WDR72: variants seen among roughly 807,000 people sequenced by gnomAD.
The protein encoded by WDR72 is WD repeat domain 72.
WDR72 carries 120 observed loss-of-function variants against 124.2 expected under a neutral mutation model. The ratio of observed to expected loss-of-function variants is 0.97; its 90% confidence interval spans 0.83 to 1.12. The LOEUF is 1.12. Among genes scored for constraint, WDR72 ranks in the 50% most tolerant of loss-of-function variants. WDR72 has a pLI of 0.00. For missense variants in WDR72, 1,387 were observed against 1,278.8 expected (o/e 1.08, Z -1.29); for synonymous variants, 452 against 441.7 (o/e 1.02, Z -0.29).
intron 18 of WDR72, among the ~76,000 whole-genome samples, chr15:53,546,792 A>G (rs575795550): frequency 6.6e-6 from 1 of 152,336 alleles, no homozygotes; most frequent in East Asian, 1.9e-4. Context: ...CACAAAATCA[A>G]AAATGAAAGG....
At chr15:53,587,179 A>C (rs955758352) in intron 18 of WDR72, among the ~76,000 whole-genome samples, 2 of 152,086 alleles carry the variant, frequency 1.3e-5, no homozygotes, top group African/African-American at 4.8e-5. Context: ...CTGGTCATTC[A>C]TGAAAAGAAA....
intron 19 of WDR72, among the ~76,000 whole-genome samples, chr15:53,522,952 A>T (rs1284889805): frequency 6.6e-6 from 1 of 152,052 alleles, no homozygotes; most frequent in Non-Finnish European, 1.5e-5. Flanking sequence ...TTAACCATTT[A>T]GCCTAAAATT....
intron 18 of WDR72, among the ~76,000 whole-genome samples, chr15:53,534,347 C>T (rs765639916): frequency 2.6e-5 from 4 of 152,088 alleles, no homozygotes; most frequent in Non-Finnish European, 5.9e-5. Flanking sequence ...ACTCACTTTC[C>T]TAACCTTTAG....
At chr15:53,670,835 T>C (rs2015959912) in intron 13 of WDR72, among the ~76,000 whole-genome samples, 1 of 152,164 alleles carries the variant, frequency 6.6e-6, no homozygotes, top group South Asian at 2.1e-4. Context: ...ACTCAGCTGC[T>C]TGTGAGCTGA....
chr15:53,689,087 C>T (rs140660911), intron 13 of WDR72, among the ~76,000 whole-genome samples: 6,787 of 152,194 alleles, frequency 0.045, 532 homozygotes, highest in African/African-American at 0.16. Context: ...AAGACTTAAA[C>T]GTTAAACCTA....
At chr15:53,720,955 A>G (rs1595873161) in intron 3 of WDR72, among the ~76,000 whole-genome samples, 1 of 152,208 alleles carries the variant, frequency 6.6e-6, no homozygotes, top group South Asian at 2.1e-4. Flanking sequence ...CATAGCCAAT[A>G]TCTGGGACTT....
At position 53,705,145 on chromosome 15, in the gene WDR72, C is replaced by G. The variant is rs921800187; in HGVS notation, c.1191G>C (p.Gly397=). Residue 397 remains glycine (G), a synonymous_variant, in exon 11 of 20, where the codon GGG becomes GGC. Coordinates refer to ENST00000360509, the MANE Select transcript of WDR72 (RefSeq NM_182758.4). ...MSQSIIDYFS[G]LKDGAGTAVV... ...CAGCAGTTCCTGCCCCATCTTTAAG[C>G]CCAGAGAAATAGTCAATAATACTTT... is the stretch of plus-strand genomic sequence containing the variant. The G allele has an allele frequency of 6.2e-7, 1 of 1,613,920 alleles. No individual in the cohort carries two copies. The highest frequency in any genetic ancestry group is 1.3e-5 in the African/African-American group (1 of 74,892).
intron 14 of WDR72, among the ~76,000 whole-genome samples, chr15:53,621,226 G>A (rs1443264258): frequency 4.6e-5 from 7 of 151,752 alleles, no homozygotes; most frequent in African/African-American, 1.7e-4. Context: ...TGTGGAAAAC[G>A]GTGTGGAGAA....
At chr15:53,726,264 G>GTGTGTATATATATATATATA (rs1555428779) in intron 2 of WDR72, among the ~76,000 whole-genome samples, 18 of 110,358 alleles carry the variant, frequency 1.6e-4, no homozygotes, top group African/African-American at 6.8e-4. Flanking sequence ...ATGTATGTGT[G>GTGTGTATATATATATATATA]TATATATATA....
chr15:53,646,669 G>T (rs964522863), intron 14 of WDR72, among the ~76,000 whole-genome samples: 4 of 152,178 alleles, frequency 2.6e-5, no homozygotes, highest in Admixed American at 1.3e-4. Flanking sequence ...TCTGGAAAGG[G>T]ATTGAAACCA....
At chr15:53,551,458 C>T (rs567996715) in intron 18 of WDR72, among the ~76,000 whole-genome samples, 17 of 152,266 alleles carry the variant, frequency 1.1e-4, no homozygotes, top group Admixed American at 5.9e-4. Context: ...CCAGCACCTT[C>T]TCTGGGCAAA....
At chr15:53,732,465 G>A (rs2018229507) in intron 2 of WDR72, among the ~76,000 whole-genome samples, 1 of 152,120 alleles carries the variant, frequency 6.6e-6, no homozygotes, top group African/African-American at 2.4e-5. Flanking sequence ...TCCTAGGTGA[G>A]GTCAGGTTCT....
chr15:53,688,076 GCTAT>G (rs1335921837), intron 13 of WDR72, among the ~76,000 whole-genome samples: 6 of 146,990 alleles, frequency 4.1e-5, no homozygotes, highest in Non-Finnish European at 3.0e-5. Flanking sequence ...AATAATAAGA[GCTAT>G]CTATGACAAA....
intron 14 of WDR72, 149 bp from the exon 15 acceptor site, chr15:53,616,392 T>A: frequency 3.4e-6 from 2 of 583,246 alleles, no homozygotes; most frequent in Non-Finnish European, 5.9e-6. Context: ...GCTATAAAAA[T>A]TCATTTCTAA....
intron 14 of WDR72, among the ~76,000 whole-genome samples, chr15:53,647,575 C>T (rs1208161905): frequency 6.6e-6 from 1 of 152,024 alleles, no homozygotes; most frequent in African/African-American, 2.4e-5. Context: ...TCCCTCTCCT[C>T]AGTCATCGGT....
rs2018250088 is a variant in WDR72 at position 53,733,088 on chromosome 15, G to A, written c.62C>T (p.Thr21Ile). ...WGQKAPPHSI[T>I]AIMITDDQRT... ...CTGGTCATCAGTGATCATGATGGCA[G>A]TGATGCTGTGGGGAGGGGCCTTCTG... Residue 21 changes from threonine (T) to isoleucine (I), a missense_variant, in exon 2 of 20, where the codon ACT becomes ATT. Transcript: ENST00000360509. 1 of 1,613,952 alleles carries A rather than the reference G, an allele frequency of 6.2e-7. No homozygotes were observed. The highest frequency in any genetic ancestry group is 1.3e-5 in the African/African-American group (1 of 74,912).
intron 17 of WDR72, among the ~76,000 whole-genome samples, chr15:53,607,416 C>T (rs547110407): frequency 6.6e-6 from 1 of 152,208 alleles, no homozygotes; most frequent in Non-Finnish European, 1.5e-5. Context: ...CAAGAACATA[C>T]ATTGGGGAAA....
At chr15:53,632,100 A>T (rs1566994314) in intron 14 of WDR72, among the ~76,000 whole-genome samples, 1 of 152,076 alleles carries the variant, frequency 6.6e-6, no homozygotes, top group Non-Finnish European at 1.5e-5. Flanking sequence ...AAGACATTTT[A>T]GGAAGCTTCA....
intron 14 of WDR72, among the ~76,000 whole-genome samples, chr15:53,639,713 C>A (rs901451525): frequency 6.6e-6 from 1 of 151,882 alleles, no homozygotes; most frequent in Non-Finnish European, 1.5e-5. Flanking sequence ...GATTGCCCTG[C>A]CTTTGTGTCT....
Sources: allele counts gnomAD v4.1 joint callset (sites outside exome capture counted in the v4.1 genomes callset), GRCh38; gene constraint gnomAD v4.1.1; transcripts MANE v1.5; gene names NCBI Gene and HGNC (gene_info 2026-07-23, HGNC 2026-07-21).